Variants in UGT2B28 observed in about 807,000 individuals in gnomAD.
UGT2B28 encodes the protein UDP-glucuronosyltransferase 2B28.
In UGT2B28, 45 loss-of-function variants were observed where a neutral mutation model predicts 43.6. That is an observed-to-expected ratio of 1.03 (90% CI 0.81 to 1.32). UGT2B28 has a LOEUF of 1.32. Among genes scored for constraint, UGT2B28 ranks in the 40% most tolerant of loss-of-function variants. The pLI is 0.00. For missense variants in UGT2B28, 649 were observed against 625.5 expected, an observed-to-expected ratio of 1.04 and a Z score of -0.40; for synonymous variants, 204 against 208.1, an observed-to-expected ratio of 0.98 and a Z score of 0.17.
chr4:69,288,473 A>C (rs1403857716), intron 3 of UGT2B28, among the ~76,000 whole-genome samples: 1 of 140,064 alleles, frequency 7.1e-6, no homozygotes, highest in Non-Finnish European at 1.5e-5. Flanking sequence ...TAAAATACAT[A>C]AAACAAACAT....
chr4:69,293,006 T>G (rs2109698154), intron 5 of UGT2B28, among the ~76,000 whole-genome samples: 1 of 140,504 alleles, frequency 7.1e-6, no homozygotes, highest in Non-Finnish European at 1.5e-5. Context: ...TAGCAGAGTG[T>G]TCATGAGAGA....
rs1212472839 is a variant in UGT2B28 at position 69,292,372 on chromosome 4, C to A, written c.1310+1561C>A. Among the ~76,000 whole-genome samples the A allele has an allele frequency of 6.5e-5, 9 of 138,976 alleles. 1 individual carries two copies. The highest frequency in any genetic ancestry group is 1.4e-4 in the Non-Finnish European group (9 of 65,228). 91.2% of individuals were successfully genotyped at this position (138,976 alleles called of 152,430 possible). A position where few individuals can be genotyped will look rare whatever the true frequency, so the allele number is the denominator to read the frequency against. Reference sequence around the variant, plus strand: ...AAGGAATGCTTTAAAAATACTTTATCCCAAAGAAAATAGAAGGATAATGAA... The same window carrying A: ...AAGGAATGCTTTAAAAATACTTTATACCAAAGAAAATAGAAGGATAATGAA... On this transcript the variant is annotated intron_variant, in intron 5 of 5. Transcript: ENST00000335568.
At position 69,290,503 on chromosome 4, in the gene UGT2B28, T is replaced by G. The variant is rs1021077551; in HGVS notation, c.1091-89T>G. On this transcript the variant is annotated intron_variant, in intron 4 of 5. Transcript: ENST00000335568. ...AATGGCAAATTAGTTTAATGTGTTA[T>G]CTAGAAAACACTGTCACTTTCAGAG... The G allele has an allele frequency of 3.4e-6, 5 of 1,463,572 alleles. 1 individual carries two copies. In the African/African-American group the frequency reaches 8.0e-5, roughly 24 times the overall value. 90.7% of individuals were successfully genotyped at this position (1,463,572 alleles called of 1,614,324 possible).
rs1434131540 is a variant in UGT2B28 at position 69,286,786 on chromosome 4, A to C, written c.905A>C (p.Asn302Thr). The change falls in exon 3 of 6, where the codon AAT becomes ACT. Residue 302 changes from asparagine to threonine, a missense_variant. By Grantham distance (65) the Asn-to-Thr change is moderately conservative. Coordinates refer to ENST00000335568, the MANE Select transcript of UGT2B28 (RefSeq NM_053039.2). The part of the protein sequence containing the change: ...MEEFVQSSGE[N>T]GVVVFSLGSV... Reference sequence around the variant, plus strand: ...GAATTTGTACAGAGCTCTGGTGAAAATGGTGTTGTGGTGTTTTCTCTGGGG... The same window carrying C: ...GAATTTGTACAGAGCTCTGGTGAAACTGGTGTTGTGGTGTTTTCTCTGGGG... 44 of 1,555,684 alleles carry C rather than the reference A, an allele frequency of 2.8e-5. 4 individuals carry two copies. Among genetic ancestry groups the C allele is most frequent in the Non-Finnish European group, 3.6e-5 (42 of 1,154,424 alleles).
intron 2 of UGT2B28, among the ~76,000 whole-genome samples, chr4:69,285,831 G>A (rs1223717829): frequency 1.1e-4 from 15 of 141,012 alleles, no homozygotes; most frequent in African/African-American, 1.4e-4. Context: ...CTACTCAAAA[G>A]AGAGACAAGA....
intron 3 of UGT2B28, among the ~76,000 whole-genome samples, chr4:69,288,589 A>T (rs1399607216): frequency 7.1e-6 from 1 of 140,106 alleles, no homozygotes. Flanking sequence ...AAATTAAATT[A>T]ACTTTTATTT....
intron 2 of UGT2B28, among the ~76,000 whole-genome samples, chr4:69,285,480 A>C (rs13116501): frequency 0.46 from 62,587 of 137,544 alleles, 19,757 homozygotes; most frequent in Non-Finnish European, 0.53. Flanking sequence ...AAACACTGAA[A>C]ACGAGTCACA....
At chr4:69,291,451 G>T (rs1318518056) in intron 5 of UGT2B28, among the ~76,000 whole-genome samples, 1 of 140,704 alleles carries the variant, frequency 7.1e-6, no homozygotes, top group Admixed American at 7.1e-5. Context: ...ATTCTCTCTA[G>T]ATATTTCATA....
chr4:69,280,731 T>C lies in UGT2B28; in HGVS notation c.231T>C (p.Tyr77=), dbSNP rs750888528. The part of the protein sequence containing the change: ...NDAFTLKLEV[Y]PTSLTKTEFE... Reference sequence around the variant, plus strand: ...CATTCACTCTTAAACTCGAAGTTTATCCTACATCTTTAACTAAAACTGAAT... The same window carrying C: ...CATTCACTCTTAAACTCGAAGTTTACCCTACATCTTTAACTAAAACTGAAT... The change falls in exon 1 of 6, where the codon TAT becomes TAC. Residue 77 remains tyrosine (Y), a synonymous_variant. Transcript: ENST00000335568. 3.5e-5 allele frequency: 55 copies of C among 1,561,008 alleles called. 6 individuals are homozygous for C. The Admixed American group carries it at 9.2e-4, about 26-fold the overall frequency.
intron 5 of UGT2B28, among the ~76,000 whole-genome samples, chr4:69,293,945 G>A (rs1577998682): frequency 7.1e-6 from 1 of 140,108 alleles, no homozygotes; most frequent in South Asian, 2.4e-4. Context: ...AAAGTGACAA[G>A]CCATGAGGTA....
rs557943236 is a variant in UGT2B28, at chr4:69,288,065, T to A, written c.1002+1182T>A. ...CGTTGTCTAAGTGATAATAATCAGT[T>A]GACCAAATTCAGCAAAATACAATTT... On this transcript the variant is annotated intron_variant, in intron 3 of 5. Transcript: ENST00000335568. Among the ~76,000 whole-genome samples, 10 of 139,798 alleles carry A rather than the reference T, an allele frequency of 7.2e-5. 1 individual carries two copies. Among genetic ancestry groups the A allele is most frequent in the Non-Finnish European group, 1.4e-4 (9 of 65,630 alleles). 91.7% of individuals were successfully genotyped at this position (139,798 alleles called of 152,430 possible). A position where few individuals can be genotyped will look rare whatever the true frequency, so the allele number is the denominator to read the frequency against.
rs1723788778 is a variant in UGT2B28 at position 69,286,800 on chromosome 4, T to C, written c.919T>C (p.Phe307Leu). Residue 307 changes from phenylalanine to leucine, a missense_variant, in exon 3 of 6, where the codon TTT becomes CTT. Phe to Leu is a conservative substitution (Grantham distance 22). Transcript: ENST00000335568. ...QSSGENGVVV[F>L]SLGSVISNMT... ...CTCTGGTGAAAATGGTGTTGTGGTG[T>C]TTTCTCTGGGGTCAGTGATAAGTAA... is the stretch of plus-strand genomic sequence containing the variant. The C allele has an allele frequency of 6.4e-7, 1 of 1,556,800 alleles. No individual in the cohort carries two copies. The highest frequency in any genetic ancestry group is 2.3e-5 in the East Asian group (1 of 43,528).
chr4:69,291,287 T>C (rs1171638682), intron 5 of UGT2B28, among the ~76,000 whole-genome samples: 1 of 139,958 alleles, frequency 7.1e-6, no homozygotes, highest in Non-Finnish European at 1.5e-5. Flanking sequence ...AATCCAAATG[T>C]TTTTACTATG....
At chr4:69,286,979 C>A in intron 3 of UGT2B28, 96 bp downstream of exon 3, 1 of 1,490,080 alleles carries the variant, frequency 6.7e-7, no homozygotes, top group Admixed American at 2.2e-5. Context: ...AGACTGAACT[C>A]TTTACAGCCA....
At position 69,289,714 on chromosome 4, in the gene UGT2B28, C is replaced by A. The variant is rs773835983; in HGVS notation, c.1052C>A (p.Thr351Asn). ...GNKPDALGLN[T>N]RLYKWIPQND... ...AAACCAGATGCCTTAGGTCTCAATACTCGGCTGTATAAGTGGATACCCCAG... is the reference window on the plus strand; with the variant it reads ...AAACCAGATGCCTTAGGTCTCAATAATCGGCTGTATAAGTGGATACCCCAG... The change falls in exon 4 of 6, where the codon ACT (threonine) becomes AAT (asparagine). Residue 351 changes from threonine to asparagine, a missense_variant. Thr to Asn is a moderately conservative substitution (Grantham distance 65, BLOSUM62 0). Transcript: ENST00000335568. 7.0e-6 allele frequency: 11 copies of A among 1,562,460 alleles called. 1 individual carries two copies. In the East Asian group the frequency reaches 1.6e-4, roughly 23 times the overall value.
chr4:69,294,887 T>C lies in UGT2B28; in HGVS notation c.*78T>C, dbSNP rs1724061535. ...TATTCCAGCAAGAAAGAAAAGATTG[T>C]TATGCAAGATTTCTTTCTTCCTGTG... On this transcript the variant is annotated 3_prime_UTR_variant, in exon 6 of 6. Transcript: ENST00000335568. 7.2e-7 allele frequency: 1 copy of C among 1,384,302 alleles called. No individual in the cohort carries two copies. Among genetic ancestry groups the C allele is most frequent in the East Asian group, 2.5e-5 (1 of 39,928 alleles). 85.8% of individuals were successfully genotyped at this position (1,384,302 alleles called of 1,614,324 possible).
rs186671540 is a variant in UGT2B28, at chr4:69,285,157, T to C, written c.871-1595T>C. On this transcript the variant is annotated intron_variant, in intron 2 of 5. Coordinates refer to ENST00000335568, the MANE Select transcript of UGT2B28 (RefSeq NM_053039.2). ...AAGTTTTTGCAGGATAAAATGTATA[T>C]ACAATAAGATTGAAATTTTCTAAAT... 2.1e-3 allele frequency among the ~76,000 whole-genome samples: 298 copies of C among 139,760 alleles called. 67 individuals carry two copies. The highest frequency in any genetic ancestry group is 8.1e-3 in the African/African-American group (290 of 35,816). 91.7% of individuals were successfully genotyped at this position (139,760 alleles called of 152,430 possible).
chr4:69,286,051 T>C (rs1222089378), intron 2 of UGT2B28, among the ~76,000 whole-genome samples: 1 of 141,534 alleles, frequency 7.1e-6, no homozygotes, highest in African/African-American at 2.8e-5. Flanking sequence ...TACAATTCTG[T>C]ATGATAAATG....
intron 2 of UGT2B28, among the ~76,000 whole-genome samples, chr4:69,286,050 G>A (rs1270640406): frequency 7.1e-6 from 1 of 141,272 alleles, no homozygotes; most frequent in South Asian, 2.4e-4. Context: ...CTACAATTCT[G>A]TATGATAAAT....
Sources: gnomAD v4.1 joint callset for allele counts (sites outside exome capture counted in the v4.1 genomes callset) on GRCh38, gnomAD v4.1.1 for gene constraint, MANE v1.5 for transcripts, NCBI Gene and HGNC (gene_info 2026-07-23, HGNC 2026-07-21) for gene names.